Variants in PDSS1 observed in about 807,000 individuals in gnomAD.
PDSS1 encodes the protein decaprenyl diphosphate synthase subunit 1.
PDSS1 carries 43 observed loss-of-function variants against 57.5 expected under a neutral mutation model. The ratio of observed to expected loss-of-function variants is 0.75; its 90% CI spans 0.59 to 0.96. PDSS1 has a LOEUF of 0.96. PDSS1 is among the 50% of genes least tolerant of loss of function. The pLI is 0.00. For missense variants in PDSS1, 438 were observed against 527.8 expected (o/e 0.83, Z 1.67); for synonymous variants, 175 against 191.3 (o/e 0.91, Z 0.70).
At chr10:26,732,245 C>G (rs1363807102) in intron 8 of PDSS1, among the ~76,000 whole-genome samples, 1 of 152,208 alleles carries the variant, frequency 6.6e-6, no homozygotes. Context: ...TGTTTTCCTG[C>G]TACAGATCTA....
At chr10:26,720,400 C>A in intron 6 of PDSS1, 41 bp downstream of exon 6, 2 of 1,365,896 alleles carry the variant, frequency 1.5e-6, no homozygotes, top group Non-Finnish European at 2.1e-6. Context: ...CTTACTGAAT[C>A]ACACACTTTT....
intron 4 of PDSS1, among the ~76,000 whole-genome samples, chr10:26,708,409 T>C (rs1374714183): frequency 1.3e-5 from 2 of 152,220 alleles, no homozygotes. Context: ...TCAAAGCCCA[T>C]CTCCTCCATG....
chr10:26,735,363 C>T, intron 9 of PDSS1, 43 bp downstream of exon 9: 1 of 1,423,536 alleles, frequency 7.0e-7, no homozygotes. Context: ...CGTAGTGATA[C>T]AGTCAGCATT....
At position 26,720,602 on chromosome 10, in the gene PDSS1, A is replaced by G. The variant is rs921287700; in HGVS notation, c.609+243A>G. The stretch of plus-strand genomic sequence containing the variant: ...AATTCCTTTGGTTATAAGGAAAGGG[A>G]TTTTCATGGGTGTCCAAAAAATGTA... On this transcript the variant is annotated intron_variant, in intron 6 of 11. Transcript: ENST00000376215. Among the ~76,000 whole-genome samples, 5 of 152,150 alleles carry G rather than the reference A, an allele frequency of 3.3e-5. No individual in the cohort carries two copies. In the East Asian group the frequency reaches 7.7e-4, roughly 23 times the overall value.
intron 10 of PDSS1, among the ~76,000 whole-genome samples, chr10:26,736,163 G>T (rs1836391483): frequency 6.6e-6 from 1 of 152,194 alleles, no homozygotes; most frequent in South Asian, 2.1e-4. Flanking sequence ...GAGGGACTGA[G>T]TCCCCCTTAA....
intron 5 of PDSS1, chr10:26,717,625 A>C (rs1835635449): frequency 6.6e-6 from 1 of 152,196 alleles, no homozygotes; most frequent in African/African-American, 2.4e-5. Context: ...TTACCAAAAC[A>C]ACTCTAGTAT....
At chr10:26,734,294 C>T (rs12252829) in intron 8 of PDSS1, among the ~76,000 whole-genome samples, 2,036 of 152,314 alleles carry the variant, frequency 0.013, 38 homozygotes, top group African/African-American at 0.045. Context: ...CTAGCATCCG[C>T]GAGCCTTACA....
rs1835417487 is a variant in PDSS1 at position 26,711,951 on chromosome 10, A to G, written c.467+2183A>G. On this transcript the variant is annotated intron_variant, in intron 5 of 11. Coordinates refer to ENST00000376215, the MANE Select transcript of PDSS1 (RefSeq NM_014317.5). ...GGAAATTTTTTTTTTTACTGCTTTA[A>G]GTACTATCACCCACTGTCCCCATAA... 4.2e-5 allele frequency among the ~76,000 whole-genome samples: 4 copies of G among 95,998 alleles called. 1 individual carries two copies. The highest frequency in any genetic ancestry group is 1.4e-4 in the African/African-American group (4 of 29,602). The allele number at this position is 95,998 out of a possible 152,430, so 63.0% of individuals were successfully genotyped here.
At chr10:26,727,485 C>CT (rs569539570) in intron 8 of PDSS1, among the ~76,000 whole-genome samples, 24,543 of 142,422 alleles carry the variant, frequency 0.17, 2,120 homozygotes, top group Admixed American at 0.21. Context: ...GCAGAACACT[C>CT]TTTTTTTTTT....
At position 26,734,953 on chromosome 10, in the gene PDSS1, T is replaced by C. The variant is rs11015253; in HGVS notation, c.832-287T>C. On this transcript the variant is annotated intron_variant, in intron 8 of 11. Coordinates refer to ENST00000376215, the MANE Select transcript of PDSS1 (RefSeq NM_014317.5). ...CATGTTACCAGCAGAACTAGTCCAG[T>C]TGTAGCTCAGTTTTTCCTAAGCAGT... Among the ~76,000 whole-genome samples the C allele has an allele frequency of 0.1, 15,701 of 152,192 alleles. 995 individuals carry two copies. Among genetic ancestry groups the C allele is most frequent in the Non-Finnish European group, 0.15 (10,171 of 67,998 alleles).
intron 10 of PDSS1, among the ~76,000 whole-genome samples, chr10:26,741,745 C>T (rs1836618638): frequency 1.3e-5 from 2 of 152,204 alleles, no homozygotes. Context: ...ATACTGGTGT[C>T]ACCTGTTAGA....
intron 8 of PDSS1, chr10:26,734,851 TA>T: frequency 2.3e-6 from 1 of 436,656 alleles, no homozygotes; most frequent in East Asian, 6.8e-5. Context: ...GTAATCGGGC[TA>T]GCTTGCCGAG....
intron 5 of PDSS1, 119 bp from the exon 6 acceptor site, chr10:26,720,099 C>A (rs1835735262): frequency 2.8e-6 from 4 of 1,439,102 alleles, no homozygotes; most frequent in East Asian, 2.5e-5. Flanking sequence ...AGTTTTTATA[C>A]CGTTTCTCTT....
At chr10:26,725,538 G>T (rs10508720) in intron 8 of PDSS1, among the ~76,000 whole-genome samples, 24,302 of 151,628 alleles carry the variant, frequency 0.16, 2,094 homozygotes, top group Admixed American at 0.2. Context: ...AAAGTGAGAT[G>T]GAAGAAAGTA....
intron 5 of PDSS1, among the ~76,000 whole-genome samples, chr10:26,716,327 C>T (rs540904065): frequency 3.0e-4 from 46 of 152,284 alleles, no homozygotes; most frequent in African/African-American, 1.0e-3. Flanking sequence ...ATGTAAACCT[C>T]GTAAAGGATT....
At chr10:26,741,500 AAC>A (rs921066846) in intron 10 of PDSS1, among the ~76,000 whole-genome samples, 9 of 150,516 alleles carry the variant, frequency 6.0e-5, no homozygotes, top group East Asian at 4.1e-4. Context: ...GGGGGGGAAA[AAC>A]AACAAAAAAA....
intron 8 of PDSS1, among the ~76,000 whole-genome samples, chr10:26,732,149 C>T (rs73596305): frequency 0.042 from 6,325 of 152,320 alleles, 323 homozygotes; most frequent in African/African-American, 0.11. Context: ...GTGAGGCATC[C>T]CTCTGATGCT....
At chr10:26,740,385 TTC>T (rs906331230) in intron 10 of PDSS1, among the ~76,000 whole-genome samples, 3 of 152,198 alleles carry the variant, frequency 2.0e-5, no homozygotes, top group African/African-American at 7.2e-5. Context: ...GTAGCTTGTT[TTC>T]TTCTTAAAAG....
At chr10:26,703,299 G>A (rs2132212302) in intron 2 of PDSS1, among the ~76,000 whole-genome samples, 1 of 151,844 alleles carries the variant, frequency 6.6e-6, no homozygotes, top group East Asian at 1.9e-4. Context: ...GTCTATAACT[G>A]AATAACTAAA....
Sources: gnomAD v4.1 joint callset for allele counts (sites outside exome capture counted in the v4.1 genomes callset) on GRCh38, gnomAD v4.1.1 for gene constraint, MANE v1.5 for transcripts, NCBI Gene and HGNC (gene_info 2026-07-23, HGNC 2026-07-21) for gene names.